Variants in KIF21B observed in about 807,000 individuals in gnomAD.
KIF21B encodes kinesin family member 21B.
A neutral mutation model predicts 192.9 loss-of-function variants in KIF21B; 85 were observed. The ratio of observed to expected loss-of-function variants is 0.44; its 90% CI spans 0.37 to 0.53. KIF21B has a LOEUF of 0.53. Among genes scored for constraint, KIF21B ranks in the 20% least tolerant of loss-of-function variants. The pLI is 0.00. For synonymous variants in KIF21B, 832 were observed against 884.6 expected, an observed-to-expected ratio of 0.94 and a Z score of 1.05; for missense variants, 1,716 against 2,194.8, an observed-to-expected ratio of 0.78 and a Z score of 4.36.
intron 29 of KIF21B, among the ~76,000 whole-genome samples, chr1:200,980,306 G>A (rs77190454): frequency 0.059 from 8,910 of 152,272 alleles, 628 homozygotes; most frequent in African/African-American, 0.15. Context: ...CCAGGCTGGA[G>A]TGTAATTGCA....
chr1:200,986,598 TC>T (rs928191003), intron 26 of KIF21B, among the ~76,000 whole-genome samples: 1 of 152,262 alleles, frequency 6.6e-6, no homozygotes, highest in African/African-American at 2.4e-5. Flanking sequence ...GCTCAAGTGA[TC>T]TGGCCATCTC....
intron 1 of KIF21B, among the ~76,000 whole-genome samples, chr1:201,013,396 T>C (rs1040178396): frequency 6.6e-6 from 1 of 152,090 alleles, no homozygotes; most frequent in East Asian, 1.9e-4. Context: ...GCCCTCAAAG[T>C]GACAGTGGCC....
chr1:200,999,395 G>A lies in KIF21B; in HGVS notation c.1839C>T (p.Gly613=). The change falls in exon 13 of 35, where the codon GGC becomes GGT. Residue 613 remains glycine, a synonymous_variant. Coordinates refer to ENST00000461742, the MANE Select transcript of KIF21B (RefSeq NM_001252102.2). This position sits in a 1 kb window ranked among gnomAD's most constrained non-coding sequence, Gnocchi z 4.7. ...EGREDEDEDS[G]SEESLVDSDS... is the part of the protein sequence containing the mutation. ...CTGAGTCCACCAGGCTCTCTTCACT[G>A]CCCGAGTCCTCATCTTCATCCTCGC... 6.2e-7 allele frequency: 1 copy of A among 1,614,102 alleles called. No individual in the cohort carries two copies. The highest frequency in any genetic ancestry group is 8.5e-7 in the Non-Finnish European group (1 of 1,180,014).
intron 28 of KIF21B, among the ~76,000 whole-genome samples, chr1:200,981,811 G>A (rs201161737): frequency 5.3e-5 from 8 of 152,110 alleles, no homozygotes; most frequent in Non-Finnish European, 7.4e-5. Context: ...ACACCTCCTC[G>A]CTCCCATGAT....
intron 1 of KIF21B, among the ~76,000 whole-genome samples, chr1:201,010,755 C>T (rs2102466642): frequency 6.6e-6 from 1 of 152,334 alleles, no homozygotes; most frequent in African/African-American, 2.4e-5. Flanking sequence ...CTAGGGCCTC[C>T]AAGTCGCCAC....
rs1333046963 is a variant in KIF21B at position 201,023,425 on chromosome 1, G to C, written c.-42C>G. 2.2e-6 allele frequency: 3 copies of C among 1,382,756 alleles called. No individual in the cohort carries two copies. Among genetic ancestry groups the C allele is most frequent in the African/African-American group, 3.0e-5 (2 of 67,024 alleles). The allele number at this position is 1,382,756 out of a possible 1,614,324, so 85.7% of individuals were successfully genotyped here. ...GGTCTGGGCGTGGATCAGAGGCGGG[G>C]GTCTGGGGGCCAATGCCCGAGGCAG... On this transcript the variant is annotated 5_prime_UTR_variant, in exon 1 of 35. Transcript: ENST00000461742. The surrounding 1 kb of genome is among the most constrained non-coding windows in gnomAD (Gnocchi z 5.9).
intron 26 of KIF21B, among the ~76,000 whole-genome samples, chr1:200,985,746 C>G: frequency 6.7e-6 from 1 of 148,802 alleles, no homozygotes; most frequent in East Asian, 2.0e-4. Flanking sequence ...TCTTTTCCTT[C>G]CTTCCTTCCT....
intron 7 of KIF21B, 81 bp from the exon 8 acceptor site, chr1:201,003,862 T>C: frequency 7.1e-7 from 1 of 1,399,196 alleles, no homozygotes; most frequent in Non-Finnish European, 1.0e-6. Context: ...GAGGTCCTGC[T>C]CCCATCCCAT....
In KIF21B at chr1:200,999,581, C is replaced by T. The variant is rs952903346; in HGVS notation, c.1768-115G>A. The T allele has an allele frequency of 2.0e-6, 3 of 1,526,184 alleles. No individual in the cohort carries two copies. Among genetic ancestry groups the T allele is most frequent in the African/African-American group, 1.4e-5 (1 of 73,058 alleles). The allele number at this position is 1,526,184 out of a possible 1,614,324, so 94.5% of individuals were successfully genotyped here. On this transcript the variant is annotated intron_variant, in intron 12 of 34. Transcript: ENST00000461742. The surrounding 1 kb of genome is among the most constrained non-coding windows in gnomAD (Gnocchi z 4.7). ...TCAGGAGGGTGGGGATTGGGGCAGG[C>T]CACAGCTGAGCCCCCCTGCCCACCC... is the stretch of plus-strand genomic sequence containing the variant.
Position 201,000,050 on chromosome 1 carries a change from G to T in KIF21B, c.1686-86C>A. ...CAGGACGGCGGCAGCGGCAGAAAAG[G>T]AAGGCTCTCACCAGAGGCCGGGGAG... is the stretch of plus-strand genomic sequence containing the variant. On this transcript the variant is annotated intron_variant, in intron 11 of 34. Transcript: ENST00000461742. This position sits in a 1 kb window ranked among gnomAD's most constrained non-coding sequence, Gnocchi z 6.0. 2 of 1,248,874 alleles carry T rather than the reference G, an allele frequency of 1.6e-6. No individual in the cohort carries two copies. Among genetic ancestry groups the T allele is most frequent in the Non-Finnish European group, 2.3e-6 (2 of 857,296 alleles). 77.4% of individuals were successfully genotyped at this position (1,248,874 alleles called of 1,614,324 possible). A position where few individuals can be genotyped will look rare whatever the true frequency, so the allele number is the denominator to read the frequency against.
intron 26 of KIF21B, among the ~76,000 whole-genome samples, chr1:200,985,403 G>A (rs912586448): frequency 2.0e-5 from 3 of 152,144 alleles, no homozygotes; most frequent in African/African-American, 7.2e-5. Context: ...TGGGAGGATC[G>A]CTTGAGCCTG....
intron 34 of KIF21B, chr1:200,974,139 G>A (rs778803239): frequency 8.8e-6 from 14 of 1,599,800 alleles, no homozygotes; most frequent in Non-Finnish European, 1.0e-5. Context: ...AGGACTCGGC[G>A]AGGAAGGCAG....
At chr1:201,001,109 G>GAAAAAAAAAAAAA (rs57228721) in intron 9 of KIF21B, among the ~76,000 whole-genome samples, 1 of 117,054 alleles carries the variant, frequency 8.5e-6, no homozygotes, top group Non-Finnish European at 1.8e-5. Context: ...CTCCGTCTCA[G>GAAAAAAAAAAAAA]AAAAAAAAAA....
chr1:201,000,631 C>T lies in KIF21B; in HGVS notation c.1467-23G>A, dbSNP rs1198891083. 2.5e-6 allele frequency: 4 copies of T among 1,613,146 alleles called. No homozygotes were observed. The highest frequency in any genetic ancestry group is 2.5e-6 in the Non-Finnish European group (3 of 1,179,694). On this transcript the variant is annotated intron_variant, in intron 10 of 34. Coordinates refer to ENST00000461742, the MANE Select transcript of KIF21B (RefSeq NM_001252102.2). This position sits in a 1 kb window ranked among gnomAD's most constrained non-coding sequence, Gnocchi z 6.0. ...GTCCTGCACAGGAAGAACGAGTGGA[C>T]GGGGCCGAGTGAGCTGCCACAGCCC...
chr1:201,010,335 G>T lies in KIF21B; in HGVS notation c.42-847C>A, dbSNP rs377043021. On this transcript the variant is annotated intron_variant, in intron 1 of 34. Coordinates refer to ENST00000461742, the MANE Select transcript of KIF21B (RefSeq NM_001252102.2). ...AGGACGCCAGGCCAGCCTGGGGTGC[G>T]CTCCCAACCCAGATTCTGGCAGGCT... is the stretch of plus-strand genomic sequence containing the variant. Among the ~76,000 whole-genome samples the T allele has an allele frequency of 1.9e-4, 29 of 152,188 alleles. No individual in the cohort carries two copies. The East Asian group carries it at 4.3e-3, about 22-fold the overall frequency.
At chr1:200,994,740 A>T (rs939004926) in intron 15 of KIF21B, among the ~76,000 whole-genome samples, 1 of 152,210 alleles carries the variant, frequency 6.6e-6, no homozygotes, top group Non-Finnish European at 1.5e-5. Flanking sequence ...ACTCCCAGGG[A>T]GACAGAGTGG....
At chr1:201,020,676 G>A (rs529350255) in intron 1 of KIF21B, among the ~76,000 whole-genome samples, 41 of 152,224 alleles carry the variant, frequency 2.7e-4, no homozygotes, top group African/African-American at 9.4e-4. Context: ...GGCTCTCCAG[G>A]AGCCCAGGCC....
At chr1:200,992,223 C>T in intron 16 of KIF21B, 59 bp downstream of exon 16, 2 of 1,511,992 alleles carry the variant, frequency 1.3e-6, no homozygotes, top group Admixed American at 3.4e-5. Context: ...CCAGGTGCAC[C>T]AGGAGGCTGG....
At chr1:200,980,221 C>T (rs974717505) in intron 29 of KIF21B, among the ~76,000 whole-genome samples, 4 of 152,266 alleles carry the variant, frequency 2.6e-5, no homozygotes, top group Middle Eastern at 3.4e-3. Context: ...TTCTTTCTGT[C>T]GGTAAAATGA....
Sources: gnomAD v4.1 joint callset for allele counts (sites outside exome capture counted in the v4.1 genomes callset) on GRCh38, gnomAD v4.1.1 for gene constraint, Gnocchi (gnomAD v3.1) non-coding constraint, MANE v1.5 for transcripts, NCBI Gene and HGNC (gene_info 2026-07-23, HGNC 2026-07-21) for gene names.